CRPPA: variants seen among roughly 807,000 people sequenced by gnomAD.
CRPPA encodes the protein CDP-L-ribitol pyrophosphorylase A.
Under a neutral mutation model 52.0 loss-of-function variants are expected in CRPPA, and 43 were observed. The ratio of observed to expected loss-of-function variants is 0.83; its 90% CI spans 0.65 to 1.07. CRPPA has a LOEUF of 1.07. Ranked by LOEUF, CRPPA falls within the 50% of genes least tolerant of loss-of-function variation. The pLI, the probability that CRPPA is intolerant of heterozygous loss-of-function variation, is 0.00. For missense variants in CRPPA, 629 were observed against 551.7 expected, an observed-to-expected ratio of 1.14 and a Z score of -1.40; for synonymous variants, 250 against 203.5, an observed-to-expected ratio of 1.23 and a Z score of -1.94.
At chr7:16,366,053 A>C (rs1402105934) in intron 3 of CRPPA, among the ~76,000 whole-genome samples, 1 of 152,224 alleles carries the variant, frequency 6.6e-6, no homozygotes, top group Non-Finnish European at 1.5e-5. Context: ...GAGGCTGGGA[A>C]GTCCAAGATC....
At chr7:16,192,362 T>C (rs567502931) in intron 9 of CRPPA, among the ~76,000 whole-genome samples, 1 of 152,122 alleles carries the variant, frequency 6.6e-6, no homozygotes, top group African/African-American at 2.4e-5. Context: ...GTTAGCGACA[T>C]GGCTGCTTAG....
At chr7:16,138,667 A>G (rs1782807124) in intron 9 of CRPPA, among the ~76,000 whole-genome samples, 1 of 152,264 alleles carries the variant, frequency 6.6e-6, no homozygotes, top group Admixed American at 6.5e-5. Context: ...TACATCTTAT[A>G]AAATTAAAGA....
chr7:16,311,118 A>G (rs1216660351), intron 3 of CRPPA, among the ~76,000 whole-genome samples: 34 of 152,170 alleles, frequency 2.2e-4, no homozygotes, highest in Admixed American at 2.2e-3. Context: ...GACCTCTCCT[A>G]CTATTGAAAC....
chr7:16,410,348 T>C lies in CRPPA; in HGVS notation c.258-4011A>G, dbSNP rs150551701. 4.6e-3 allele frequency among the ~76,000 whole-genome samples: 697 copies of C among 152,338 alleles called. 6 individuals are homozygous for C. Among genetic ancestry groups the C allele is most frequent in the African/African-American group, 0.016 (667 of 41,572 alleles). Reference sequence around the variant, plus strand: ...TGTTTTGTAGCCCATTTCCTAGGCCTTTCATTGCAAATTTAGCAACTGCAG... The same window carrying C: ...TGTTTTGTAGCCCATTTCCTAGGCCCTTCATTGCAAATTTAGCAACTGCAG... On this transcript the variant is annotated intron_variant, in intron 1 of 9. Transcript: ENST00000407010.
intron 3 of CRPPA, among the ~76,000 whole-genome samples, chr7:16,348,996 G>T (rs1786083202): frequency 6.6e-6 from 1 of 152,176 alleles, no homozygotes; most frequent in Non-Finnish European, 1.5e-5. Context: ...CCTTCCAGCA[G>T]CTATCTCCCT....
chr7:16,262,353 G>C (rs906760922), intron 6 of CRPPA, among the ~76,000 whole-genome samples: 4 of 152,102 alleles, frequency 2.6e-5, no homozygotes, highest in African/African-American at 9.7e-5. Context: ...CTGACTTGCT[G>C]TATTGTTTCT....
chr7:16,196,958 C>A (rs1781750580), intron 9 of CRPPA, among the ~76,000 whole-genome samples: 1 of 151,756 alleles, frequency 6.6e-6, no homozygotes, highest in Admixed American at 6.6e-5. Context: ...TGCTGACGCT[C>A]ATGTTTTAGT....
rs781443643 is a variant in CRPPA at position 16,406,169 on chromosome 7, G to C, written c.426C>G (p.Ile142Met). Residue 142 changes from isoleucine to methionine, a missense_variant, in exon 2 of 10, where the codon ATC becomes ATG. Coordinates refer to ENST00000407010, the MANE Select transcript of CRPPA (RefSeq NM_001101426.4). ...CTTCTGGCTTAGAGAGTTTAGAGTT[G>C]ATCTGATCTTCTGCCAGTGCTTTTA... The part of the protein sequence containing the change: ...NGLKALAEDQ[I>M]NSKLSKPEVV... 8.1e-6 allele frequency: 13 copies of C among 1,613,836 alleles called. No homozygotes were observed. In the East Asian group the frequency reaches 2.9e-4, roughly 36 times the overall value.
intron 9 of CRPPA, among the ~76,000 whole-genome samples, chr7:16,123,484 A>G (rs569051726): frequency 1.3e-5 from 2 of 152,180 alleles, no homozygotes; most frequent in Non-Finnish European, 2.9e-5. Flanking sequence ...CTGTCCAGCA[A>G]CATTCATTTT....
chr7:16,118,948 T>C (rs1247389242), intron 9 of CRPPA, among the ~76,000 whole-genome samples: 2 of 152,088 alleles, frequency 1.3e-5, no homozygotes, highest in Non-Finnish European at 2.9e-5. Context: ...AGGGAACCTG[T>C]GAAAACAGAT....
At chr7:16,367,357 A>C (rs1398334055) in intron 3 of CRPPA, among the ~76,000 whole-genome samples, 2 of 152,204 alleles carry the variant, frequency 1.3e-5, no homozygotes, top group Admixed American at 1.3e-4. Context: ...GAAGGCAGGA[A>C]AGGAGAAGAA....
chr7:16,192,648 C>T (rs180875739), intron 9 of CRPPA, among the ~76,000 whole-genome samples: 54 of 152,184 alleles, frequency 3.5e-4, no homozygotes, highest in African/African-American at 1.2e-3. Flanking sequence ...GTTTCCATCG[C>T]TGAACATGTT....
At chr7:16,258,598 G>T in intron 7 of CRPPA, 116 bp from the exon 8 acceptor site, 1 of 637,378 alleles carries the variant, frequency 1.6e-6, no homozygotes, top group Non-Finnish European at 2.5e-6. Context: ...ATCAAACTTA[G>T]TTTTTAATTT....
intron 3 of CRPPA, among the ~76,000 whole-genome samples, chr7:16,347,675 C>T (rs753566516): frequency 6.6e-6 from 1 of 152,044 alleles, no homozygotes; most frequent in Non-Finnish European, 1.5e-5. Context: ...AAGTCTCCTA[C>T]CCAATAAGGC....
At chr7:16,211,095 T>C (rs572172289) in intron 9 of CRPPA, among the ~76,000 whole-genome samples, 14 of 152,284 alleles carry the variant, frequency 9.2e-5, no homozygotes, top group Non-Finnish European at 1.9e-4. Flanking sequence ...ACCCTGAAAA[T>C]ACGTGCATTT....
At chr7:16,304,266 C>T (rs1177287326) in intron 4 of CRPPA, among the ~76,000 whole-genome samples, 7 of 151,998 alleles carry the variant, frequency 4.6e-5, no homozygotes, top group Non-Finnish European at 1.0e-4. Context: ...TGCTTATCGC[C>T]CTGGTGGGGG....
At chr7:16,342,106 C>A (rs1023870732) in intron 3 of CRPPA, among the ~76,000 whole-genome samples, 2 of 152,188 alleles carry the variant, frequency 1.3e-5, no homozygotes, top group Non-Finnish European at 2.9e-5. Flanking sequence ...TCATGGGTTT[C>A]ATGAGAACCA....
At chr7:16,180,245 C>T (rs1781382875) in intron 9 of CRPPA, among the ~76,000 whole-genome samples, 1 of 151,976 alleles carries the variant, frequency 6.6e-6, no homozygotes. Flanking sequence ...GGGACCCAGG[C>T]ATCAGTATTT....
At chr7:16,391,473 C>A (rs1442753080) in intron 2 of CRPPA, among the ~76,000 whole-genome samples, 1 of 152,128 alleles carries the variant, frequency 6.6e-6, no homozygotes, top group African/African-American at 2.4e-5. Context: ...CTTCACAAAG[C>A]AATAGAACAA....
Sources: allele counts gnomAD v4.1 joint callset (sites outside exome capture counted in the v4.1 genomes callset), GRCh38; gene constraint gnomAD v4.1.1; transcripts MANE v1.5; gene names NCBI Gene and HGNC (gene_info 2026-07-23, HGNC 2026-07-21).